DIAPH3: variants seen among roughly 807,000 people sequenced by gnomAD.
DIAPH3 encodes diaphanous related formin 3.
A neutral mutation model predicts 144.3 loss-of-function variants in DIAPH3; 117 were observed. The observed-to-expected ratio is 0.81, with a 90% CI of 0.70 to 0.95. The LOEUF (loss-of-function observed/expected upper bound fraction) is 0.95, where lower values mean the gene tolerates loss of function less well. Ranked by LOEUF, DIAPH3 falls within the 40% of genes least tolerant of loss-of-function variation. The probability of loss-of-function intolerance (pLI) is 0.00; values close to 1 mark genes in which losing one functional copy is unlikely to be tolerated. For synonymous variants in DIAPH3, 519 were observed against 488.9 expected (o/e 1.06, Z -0.81); for missense variants, 1,421 against 1,412.7 (o/e 1.01, Z -0.09).
chr13:60,013,291 T>G, intron 7 of DIAPH3: 1 of 874,598 alleles, frequency 1.1e-6, no homozygotes. Flanking sequence ...TAGAGGAAAG[T>G]TAATGCTCTA....
rs1344736987 is a variant in DIAPH3 at position 59,911,778 on chromosome 13, C to T, written c.2324G>A (p.Ser775Asn). The stretch of plus-strand genomic sequence containing the variant: ...AGGTTCACATAAGTTGCTATATTCA[C>T]TCTTGAACTGAGACAATGAATTTAA... ...EQLNSLSQFK[S>N]EYSNLCEPEQ... is the part of the protein sequence containing the mutation. The change falls in exon 20 of 28, where the codon AGT becomes AAT. Residue 775 changes from serine (S) to asparagine (N), a missense_variant. By Grantham distance (46) the Ser-to-Asn change is conservative (BLOSUM62 1). Coordinates refer to ENST00000400324, the MANE Select transcript of DIAPH3 (RefSeq NM_001042517.2). The T allele has an allele frequency of 1.9e-6, 3 of 1,613,520 alleles. No individual in the cohort carries two copies. Among genetic ancestry groups the T allele is most frequent in the East Asian group, 2.2e-5 (1 of 44,772 alleles).
At chr13:59,852,061 A>G (rs138550274) in intron 22 of DIAPH3, among the ~76,000 whole-genome samples, 1 of 152,262 alleles carries the variant, frequency 6.6e-6, no homozygotes, top group East Asian at 1.9e-4. Flanking sequence ...CTTTCCTTAT[A>G]GAGTCAAAAC....
At chr13:60,059,239 G>T (rs946120952) in intron 4 of DIAPH3, among the ~76,000 whole-genome samples, 2 of 151,732 alleles carry the variant, frequency 1.3e-5, no homozygotes, top group African/African-American at 4.8e-5. Context: ...GAGGAGAAAG[G>T]GTAGTGACTG....
intron 27 of DIAPH3, among the ~76,000 whole-genome samples, chr13:59,748,647 A>G (rs1165007751): frequency 6.6e-6 from 1 of 152,212 alleles, no homozygotes; most frequent in Non-Finnish European, 1.5e-5. Flanking sequence ...GTTATTTACA[A>G]ATCCATTTTT....
chr13:59,815,945 T>A (rs1010361123), intron 24 of DIAPH3, among the ~76,000 whole-genome samples: 1 of 152,094 alleles, frequency 6.6e-6, no homozygotes, highest in South Asian at 2.1e-4. Flanking sequence ...AGATTCTAAG[T>A]ATTAGGTTAA....
intron 15 of DIAPH3, among the ~76,000 whole-genome samples, chr13:59,974,131 C>T (rs935088972): frequency 1.1e-4 from 17 of 151,812 alleles, no homozygotes; most frequent in South Asian, 2.1e-4. Context: ...AGGAACAAAA[C>T]CCTAACAAAA....
chr13:59,896,912 C>A (rs574987286), intron 20 of DIAPH3, among the ~76,000 whole-genome samples: 2 of 152,270 alleles, frequency 1.3e-5, no homozygotes, highest in African/African-American at 2.4e-5. Flanking sequence ...ATTGATCACA[C>A]TGAAATGCTC....
chr13:60,132,892 C>G (rs1340493094), intron 2 of DIAPH3, 65 bp downstream of exon 2: 2 of 1,348,458 alleles, frequency 1.5e-6, no homozygotes, highest in East Asian at 4.6e-5. Context: ...GTTAGCAGAG[C>G]ACACCATCAA....
chr13:60,086,600 C>CA lies in DIAPH3; in HGVS notation c.495+7027dup, dbSNP rs34701467. Among the ~76,000 whole-genome samples, 102 of 147,898 alleles carry CA rather than the reference C, an allele frequency of 6.9e-4. 1 individual carries two copies. Among genetic ancestry groups the CA allele is most frequent in the East Asian group, 2.1e-3 (10 of 4,764 alleles). ...TCAAATCCCTAATCGGAAATAGAAG[C>CA]AAAAAAAAAAAAATTCACGTTAATG... On this transcript the variant is annotated intron_variant, in intron 4 of 27. Coordinates refer to ENST00000400324, the MANE Select transcript of DIAPH3 (RefSeq NM_001042517.2).
At chr13:59,868,202 A>G (rs545645577) in intron 21 of DIAPH3, among the ~76,000 whole-genome samples, 18 of 152,274 alleles carry the variant, frequency 1.2e-4, no homozygotes, top group Admixed American at 2.0e-4. Context: ...CTGGAGTCCA[A>G]CATTGTCCAG....
chr13:60,047,090 G>A (rs527443136), intron 4 of DIAPH3, among the ~76,000 whole-genome samples: 62 of 152,064 alleles, frequency 4.1e-4, no homozygotes, highest in African/African-American at 1.4e-3. Context: ...AAACTTGCAC[G>A]TTCTGCACTT....
intron 27 of DIAPH3, among the ~76,000 whole-genome samples, chr13:59,746,813 C>A (rs2036727923): frequency 1.3e-5 from 2 of 152,182 alleles, no homozygotes; most frequent in Non-Finnish European, 2.9e-5. Flanking sequence ...GAACCACTGA[C>A]AGCGTATTTC....
At chr13:59,890,122 C>G (rs889640029) in intron 20 of DIAPH3, among the ~76,000 whole-genome samples, 3 of 152,056 alleles carry the variant, frequency 2.0e-5, no homozygotes, top group African/African-American at 7.2e-5. Flanking sequence ...TCTGGCTAGT[C>G]TTGCTCAGTG....
chr13:59,869,317 G>A (rs2044117552), intron 21 of DIAPH3, among the ~76,000 whole-genome samples: 1 of 152,120 alleles, frequency 6.6e-6, no homozygotes, highest in African/African-American at 2.4e-5. Flanking sequence ...CTATTATAGG[G>A]ACAGAAAAAT....
intron 22 of DIAPH3, among the ~76,000 whole-genome samples, chr13:59,858,245 C>T (rs1399520869): frequency 1.3e-5 from 2 of 151,818 alleles, no homozygotes; most frequent in African/African-American, 4.8e-5. Flanking sequence ...AATGCATAGA[C>T]ACTGCACAGA....
At chr13:60,115,510 G>A (rs910075077) in intron 2 of DIAPH3, among the ~76,000 whole-genome samples, 2 of 152,124 alleles carry the variant, frequency 1.3e-5, no homozygotes, top group Admixed American at 1.3e-4. Flanking sequence ...AACCAGAGGT[G>A]ACTACAACAT....
At chr13:60,040,162 G>A (rs2055537452) in intron 5 of DIAPH3, among the ~76,000 whole-genome samples, 1 of 147,754 alleles carries the variant, frequency 6.8e-6, no homozygotes, top group South Asian at 2.2e-4. Flanking sequence ...GGGAGATGGA[G>A]GCTGCAGTGA....
At chr13:60,044,550 T>A (rs1400976302) in intron 4 of DIAPH3, among the ~76,000 whole-genome samples, 1 of 152,198 alleles carries the variant, frequency 6.6e-6, no homozygotes, top group African/African-American at 2.4e-5. Flanking sequence ...TATTGATGTC[T>A]CTTTTTGCTC....
chr13:59,806,884 A>G (rs1437688342), intron 25 of DIAPH3, among the ~76,000 whole-genome samples: 1 of 151,900 alleles, frequency 6.6e-6, no homozygotes, highest in Non-Finnish European at 1.5e-5. Context: ...AATTCAATGT[A>G]TCAATTTAAA....
Sources: gnomAD v4.1 joint callset for allele counts (sites outside exome capture counted in the v4.1 genomes callset) on GRCh38, gnomAD v4.1.1 for gene constraint, MANE v1.5 for transcripts, NCBI Gene and HGNC (gene_info 2026-07-23, HGNC 2026-07-21) for gene names.